Variants in KLHL1 observed in about 807,000 individuals in gnomAD.
KLHL1 encodes kelch like family member 1.
Under a neutral mutation model 77.7 loss-of-function variants are expected in KLHL1, and 47 were observed. The ratio of observed to expected loss-of-function variants is 0.60; its 90% confidence interval spans 0.48 to 0.77. KLHL1 has a LOEUF of 0.77. Ranked by LOEUF, KLHL1 falls within the 30% of genes least tolerant of loss-of-function variation. The pLI is 0.00. For synonymous variants in KLHL1, 360 were observed against 325.2 expected (o/e 1.11, Z -1.15); for missense variants, 925 against 910.8 (o/e 1.02, Z -0.20).
At chr13:69,890,410 T>C (rs1881382675) in intron 4 of KLHL1, among the ~76,000 whole-genome samples, 1 of 151,958 alleles carries the variant, frequency 6.6e-6, no homozygotes, top group East Asian at 1.9e-4. Context: ...TAATTTACAT[T>C]CCATACACTT....
At chr13:70,033,437 C>T (rs1397151827) in intron 1 of KLHL1, among the ~76,000 whole-genome samples, 3 of 151,396 alleles carry the variant, frequency 2.0e-5, no homozygotes, top group East Asian at 2.0e-4. Context: ...CTACAGGTGC[C>T]CACCACCACG....
At chr13:69,818,731 A>G (rs1386648265) in intron 6 of KLHL1, among the ~76,000 whole-genome samples, 2 of 152,130 alleles carry the variant, frequency 1.3e-5, no homozygotes, top group Non-Finnish European at 2.9e-5. Flanking sequence ...AGTTGTTTCT[A>G]TAGCTGTGTG....
At chr13:69,785,622 T>G (rs1876496577) in intron 7 of KLHL1, among the ~76,000 whole-genome samples, 1 of 145,864 alleles carries the variant, frequency 6.9e-6, no homozygotes, top group Non-Finnish European at 1.5e-5. Flanking sequence ...GCAAACGCAT[T>G]CAAAAGCTAA....
chr13:69,843,046 G>T (rs1387103472), intron 5 of KLHL1, among the ~76,000 whole-genome samples: 4 of 151,646 alleles, frequency 2.6e-5, no homozygotes, highest in African/African-American at 9.7e-5. Context: ...GGGTGAGTGG[G>T]AGATATGGAG....
chr13:69,739,087 G>C (rs1422158498), intron 8 of KLHL1, among the ~76,000 whole-genome samples: 1 of 152,116 alleles, frequency 6.6e-6, no homozygotes. Context: ...AAGAGACTGG[G>C]GGTCAGTATT....
At chr13:69,795,022 T>C (rs910882657) in intron 7 of KLHL1, among the ~76,000 whole-genome samples, 1 of 152,208 alleles carries the variant, frequency 6.6e-6, no homozygotes, top group African/African-American at 2.4e-5. Context: ...GTTTATTGTA[T>C]TTGAGTACGA....
At chr13:69,833,723 C>G (rs751902020) in intron 6 of KLHL1, among the ~76,000 whole-genome samples, 5 of 148,640 alleles carry the variant, frequency 3.4e-5, no homozygotes, top group Admixed American at 6.8e-5. Context: ...GCCCATCAAT[C>G]AATGAGTGGA....
chr13:70,016,912 C>T (rs2137346529), intron 1 of KLHL1, among the ~76,000 whole-genome samples: 1 of 152,212 alleles, frequency 6.6e-6, no homozygotes, highest in Admixed American at 6.5e-5. Context: ...ATAAAAACCC[C>T]AGACTCAGCT....
chr13:69,917,837 A>T (rs2138257853), intron 4 of KLHL1, among the ~76,000 whole-genome samples: 1 of 152,220 alleles, frequency 6.6e-6, no homozygotes, highest in South Asian at 2.1e-4. Flanking sequence ...TGATAACCAC[A>T]AAACACTGTA....
chr13:69,934,427 A>T (rs1883104607), intron 4 of KLHL1, among the ~76,000 whole-genome samples: 1 of 152,022 alleles, frequency 6.6e-6, no homozygotes. Flanking sequence ...GGCATATGTA[A>T]TTGTCATTTA....
chr13:70,101,436 A>AT (rs954095981), intron 1 of KLHL1, among the ~76,000 whole-genome samples: 4 of 150,818 alleles, frequency 2.7e-5, no homozygotes, highest in Admixed American at 6.6e-5. Context: ...TATATATATA[A>AT]TTTTTTTTTA....
At chr13:69,858,332 C>T (rs1305754933) in intron 5 of KLHL1, among the ~76,000 whole-genome samples, 1 of 152,090 alleles carries the variant, frequency 6.6e-6, no homozygotes, top group Non-Finnish European at 1.5e-5. Context: ...GGACTTTGAA[C>T]TTCCAGTTTA....
intron 1 of KLHL1, among the ~76,000 whole-genome samples, chr13:69,981,989 AG>A (rs149939157): frequency 0.016 from 2,435 of 152,212 alleles, 22 homozygotes; most frequent in Non-Finnish European, 0.027. Context: ...TGACATAAAA[AG>A]TTTTAAATGT....
At chr13:69,905,930 T>A (rs1882033260) in intron 4 of KLHL1, among the ~76,000 whole-genome samples, 1 of 152,052 alleles carries the variant, frequency 6.6e-6, no homozygotes, top group Non-Finnish European at 1.5e-5. Context: ...AGAGATTCTT[T>A]GTAAATTATC....
intron 3 of KLHL1, among the ~76,000 whole-genome samples, chr13:69,955,973 G>GAT (rs1158603129): frequency 4.9e-5 from 6 of 122,978 alleles, no homozygotes; most frequent in African/African-American, 1.9e-4. Context: ...TTATATATTT[G>GAT]ATATATATTT....
rs200890874 is a variant in KLHL1, at chr13:69,855,288, TTAGATAGATAGATAGATAGA to T, written c.1228-16146_1228-16127del. ...AAGTATTTTATCACTCGTACTAATT[TTAGATAGATAGATAGATAGA>T]TAGATAGATAGATAGATAGATAGAT... On this transcript the variant is annotated intron_variant, in intron 5 of 10. Coordinates refer to ENST00000377844, the MANE Select transcript of KLHL1 (RefSeq NM_020866.3). Among the ~76,000 whole-genome samples the T allele has an allele frequency of 9.4e-3, 1,336 of 141,878 alleles. 13 individuals are homozygous for T. Among genetic ancestry groups the T allele is most frequent in the African/African-American group, 0.017 (638 of 36,504 alleles). The allele number at this position is 141,878 out of a possible 152,430, so 93.1% of individuals were successfully genotyped here. A position where few individuals can be genotyped will look rare whatever the true frequency, so the allele number is the denominator to read the frequency against.
At chr13:69,835,037 C>T (rs1878931584) in intron 6 of KLHL1, among the ~76,000 whole-genome samples, 1 of 152,092 alleles carries the variant, frequency 6.6e-6, no homozygotes, top group South Asian at 2.1e-4. Flanking sequence ...TTTGTGAATA[C>T]TCCAAAATTA....
At chr13:69,772,857 A>C (rs2137985958) in intron 7 of KLHL1, among the ~76,000 whole-genome samples, 1 of 152,278 alleles carries the variant, frequency 6.6e-6, no homozygotes, top group Non-Finnish European at 1.5e-5. Context: ...AATATGAGAT[A>C]ACCTTCATTT....
intron 5 of KLHL1, among the ~76,000 whole-genome samples, chr13:69,855,031 T>C (rs979873054): frequency 1.3e-5 from 2 of 152,062 alleles, no homozygotes; most frequent in Non-Finnish European, 2.9e-5. Context: ...ATATATGTAT[T>C]ACATATAGGA....
Sources: allele counts gnomAD v4.1 joint callset (sites outside exome capture counted in the v4.1 genomes callset), GRCh38; gene constraint gnomAD v4.1.1; transcripts MANE v1.5; gene names NCBI Gene and HGNC (gene_info 2026-07-23, HGNC 2026-07-21).